FOXO4: variants seen among roughly 807,000 people sequenced by gnomAD.
FOXO4 encodes forkhead box O4, also known as forkhead box protein O4.
FOXO4 carries 3 observed loss-of-function variants against 20.8 expected under a neutral mutation model. That is an observed-to-expected ratio of 0.14 (90% CI 0.07 to 0.37). The LOEUF (loss-of-function observed/expected upper bound fraction) is 0.37. FOXO4 is among the 10% of genes least tolerant of loss of function. The pLI, the probability that FOXO4 is intolerant of heterozygous loss-of-function variation, is 1.00. For synonymous variants in FOXO4, 158 were observed against 180.0 expected, an observed-to-expected ratio of 0.88 and a Z score of 0.98; for missense variants, 309 against 431.9, an observed-to-expected ratio of 0.72 and a Z score of 2.52.
At chrX:71,099,892 A>AG (rs1310974894) in intron 1 of FOXO4, among the ~76,000 whole-genome samples, 1 of 111,397 alleles carries the variant, frequency 9.0e-6, no homozygotes, top group Non-Finnish European at 1.9e-5. Context: ...GGATTCAGGG[A>AG]GGGGGGAAAA....
chrX:71,096,922 G>A lies in FOXO4; in HGVS notation c.394G>A (p.Val132Ile). Residue 132 changes from valine to isoleucine, a missense_variant, in exon 1 of 3, where the codon GTC becomes ATC. By Grantham distance (29) the Val-to-Ile change is conservative (BLOSUM62 3). Coordinates refer to ENST00000374259, the MANE Select transcript of FOXO4 (RefSeq NM_005938.4). ...LTLAQIYEWMVRTVPYFKDKG... is the reference protein window; with the variant it reads ...LTLAQIYEWMIRTVPYFKDKG... ...ACTTGCCCAGATCTACGAGTGGATG[G>A]TCCGTACTGTACCCTACTTCAAGGA... The A allele has an allele frequency of 8.3e-7, 1 of 1,209,918 alleles. No individual in the cohort carries two copies. The highest frequency in any genetic ancestry group is 1.1e-6 in the Non-Finnish European group (1 of 894,560).
intron 1 of FOXO4, among the ~76,000 whole-genome samples, chrX:71,097,501 G>A: frequency 9.0e-6 from 1 of 110,771 alleles, no homozygotes; most frequent in Non-Finnish European, 1.9e-5. Flanking sequence ...AGTGGCAAAG[G>A]GTAAAAACAA....
chrX:71,097,713 A>C (rs2147731697), intron 1 of FOXO4, among the ~76,000 whole-genome samples: 1 of 111,762 alleles, frequency 8.9e-6, no homozygotes, highest in African/African-American at 3.2e-5. Context: ...TAGAGCACAA[A>C]GTTGGGAGTT....
At position 71,102,442 on chromosome X, in the gene FOXO4, T is replaced by A. The variant is rs985163355; in HGVS notation, c.*358T>A. 1.2e-4 allele frequency: 34 copies of A among 274,012 alleles called. No homozygotes were observed. The highest frequency in any genetic ancestry group is 3.9e-5 in the Non-Finnish European group (6 of 155,551). 22.6% of individuals were successfully genotyped at this position (274,012 alleles called of 1,213,427 possible). On this transcript the variant is annotated 3_prime_UTR_variant, in exon 3 of 3. Coordinates refer to ENST00000374259, the MANE Select transcript of FOXO4 (RefSeq NM_005938.4). ...GTCACCAGTGGCCTTACCCCTGCCT[T>A]TGGGAGCAGGATTTTTTTGTAGAGA...
At chrX:71,099,170 A>G (rs751660769) in intron 1 of FOXO4, 2 of 111,261 alleles carry the variant, frequency 1.8e-5, no homozygotes, top group Non-Finnish European at 3.8e-5. Flanking sequence ...GGAGGTAGGG[A>G]AAAGAAGGCA....
chrX:71,100,038 G>C (rs1369608450), intron 1 of FOXO4, among the ~76,000 whole-genome samples: 1 of 111,875 alleles, frequency 8.9e-6, no homozygotes, highest in Non-Finnish European at 1.9e-5. Context: ...ATCCTGGGCT[G>C]GTGCTGTACC....
intron 1 of FOXO4, among the ~76,000 whole-genome samples, chrX:71,099,085 G>C: frequency 9.0e-6 from 1 of 111,253 alleles, no homozygotes; most frequent in Non-Finnish European, 1.9e-5. Flanking sequence ...AGACCTCCAA[G>C]TGGGAGGTCA....
At position 71,101,000 on chromosome X, in the gene FOXO4, G is replaced by T; in HGVS notation, c.770G>T (p.Arg257Leu). 1 of 1,211,137 alleles carries T rather than the reference G, an allele frequency of 8.3e-7. No homozygotes were observed. Among genetic ancestry groups the T allele is most frequent in the Non-Finnish European group, 1.1e-6 (1 of 895,121 alleles). The change falls in exon 2 of 3, where the codon CGT becomes CTT. Residue 257 changes from arginine to leucine, a missense_variant. By Grantham distance (102) the Arg-to-Leu change is moderately radical. This residue lies in a region of FOXO4 where 223 missense variants were observed against 302.7 expected (regional missense o/e 0.74). Coordinates refer to ENST00000374259, the MANE Select transcript of FOXO4 (RefSeq NM_005938.4). The stretch of plus-strand genomic sequence containing the variant: ...GAAGCCGATATGTGGACCACCTTCC[G>T]TCCACGAAGCAGTTCAAATGCCAGC... ...REEADMWTTF[R>L]PRSSSNASSV... is the part of the protein sequence containing the mutation.
chrX:71,101,776 C>G (rs1228485600), intron 2 of FOXO4, 36 bp downstream of exon 2: 14 of 1,068,909 alleles, frequency 1.3e-5, no homozygotes, highest in Non-Finnish European at 1.8e-5. Flanking sequence ...CACCTCATAG[C>G]CTATTACCAC....
Position 71,096,272 on chromosome X carries a change from T to G in FOXO4, c.-257T>G, listed in dbSNP as rs1377606195. 1 of 413,403 alleles carries G rather than the reference T, an allele frequency of 2.4e-6. No individual in the cohort carries two copies. Among genetic ancestry groups the G allele is most frequent in the Non-Finnish European group, 4.2e-6 (1 of 238,294 alleles). 34.1% of individuals were successfully genotyped at this position (413,403 alleles called of 1,213,427 possible). On this transcript the variant is annotated 5_prime_UTR_variant, in exon 1 of 3. Transcript: ENST00000374259. ...GTGAGAGGTTGCAGAAAAAGTGTCTTCGCTCGGCAGAGGTTACAGGTGGCA... is the reference window on the plus strand; with the variant it reads ...GTGAGAGGTTGCAGAAAAAGTGTCTGCGCTCGGCAGAGGTTACAGGTGGCA...
In FOXO4 at chrX:71,102,641, G is replaced by A. The variant is rs1389319620; in HGVS notation, c.*557G>A. The stretch of plus-strand genomic sequence containing the variant: ...CTTAGAAGGCTGCAGATAACAGAAA[G>A]GCTTTTTATAAACTTTTAAAGAAAT... On this transcript the variant is annotated 3_prime_UTR_variant, in exon 3 of 3. Coordinates refer to ENST00000374259, the MANE Select transcript of FOXO4 (RefSeq NM_005938.4). 1.7e-5 allele frequency: 3 copies of A among 171,804 alleles called. No homozygotes were observed. The highest frequency in any genetic ancestry group is 3.3e-5 in the Non-Finnish European group (3 of 89,853). 14.2% of individuals were successfully genotyped at this position (171,804 alleles called of 1,213,427 possible). A position where few individuals can be genotyped will look rare whatever the true frequency, so the allele number is the denominator to read the frequency against.
At chrX:71,097,043 C>G in intron 1 of FOXO4, 62 bp downstream of exon 1, 1 of 989,003 alleles carries the variant, frequency 1.0e-6, no homozygotes, top group South Asian at 2.2e-5. Context: ...CCTAGCCTCC[C>G]TTACTTCTAC....
At position 71,100,806 on chromosome X, in the gene FOXO4, C is replaced by T; in HGVS notation, c.576C>T (p.Arg192=). The T allele has an allele frequency of 8.3e-7, 1 of 1,210,047 alleles. No homozygotes were observed. Among genetic ancestry groups the T allele is most frequent in the Non-Finnish European group, 1.1e-6 (1 of 894,590 alleles). Residue 192 remains arginine, a synonymous_variant, in exon 2 of 3, where the codon CGC becomes CGT. Transcript: ENST00000374259. ...GAGGCAAGAGCGGCAAAGCCCCCCG[C>T]CGCCGGGCCGCCTCCATGGATAGCA... ...PEGGKSGKAP[R]RRAASMDSSS...
Position 71,096,711 on chromosome X carries a change from G to C in FOXO4, c.183G>C (p.Glu61Asp). Residue 61 changes from glutamate to aspartate, a missense_variant, in exon 1 of 3, where the codon GAG becomes GAC. Transcript: ENST00000374259. ...ATCTGGGGGAAAAGGTACACACGGA[G>C]GGGCGCTCAGAGCCGATCCTGTTGC... ...EPDLGEKVHT[E>D]GRSEPILLPS... is the part of the protein sequence containing the mutation. 1 of 1,207,932 alleles carries C rather than the reference G, an allele frequency of 8.3e-7. No homozygotes were observed. The highest frequency in any genetic ancestry group is 1.1e-6 in the Non-Finnish European group (1 of 893,564).
At chrX:71,099,699 T>C (rs1292502001) in intron 1 of FOXO4, among the ~76,000 whole-genome samples, 1 of 111,753 alleles carries the variant, frequency 8.9e-6, no homozygotes, top group African/African-American at 3.3e-5. Flanking sequence ...AGCCGCTTTA[T>C]AAAAGAGGTG....
At position 71,102,178 on chromosome X, in the gene FOXO4, A is replaced by G. The variant is rs1001526371; in HGVS notation, c.*94A>G. 11 of 948,394 alleles carry G rather than the reference A, an allele frequency of 1.2e-5. No homozygotes were observed. Among genetic ancestry groups the G allele is most frequent in the Non-Finnish European group, 1.6e-5 (11 of 668,257 alleles). The allele number at this position is 948,394 out of a possible 1,213,427, so 78.2% of individuals were successfully genotyped here. Reference sequence around the variant, plus strand: ...CTTGAGCCCTCCCCAGGAATTTGGGACCCTGCTTTAGAGCTAGGGTGGGGT... The same window carrying G: ...CTTGAGCCCTCCCCAGGAATTTGGGGCCCTGCTTTAGAGCTAGGGTGGGGT... On this transcript the variant is annotated 3_prime_UTR_variant, in exon 3 of 3. Coordinates refer to ENST00000374259, the MANE Select transcript of FOXO4 (RefSeq NM_005938.4).
chrX:71,097,050 C>G (rs1602281512), intron 1 of FOXO4, 69 bp downstream of exon 1: 1 of 957,154 alleles, frequency 1.0e-6, no homozygotes, highest in East Asian at 3.4e-5. Flanking sequence ...TCCCTTACTT[C>G]TACTCTGGGG....
chrX:71,102,349 A>G lies in FOXO4; in HGVS notation c.*265A>G. 2.4e-6 allele frequency: 1 copy of G among 415,221 alleles called. No homozygotes were observed. Among genetic ancestry groups the G allele is most frequent in the Non-Finnish European group, 4.2e-6 (1 of 238,061 alleles). The allele number at this position is 415,221 out of a possible 1,213,427, so 34.2% of individuals were successfully genotyped here. ...GTAAGGCCCCCTCTCAGGAGCCATCATCGGCTTTCCCCATTCCTACCCACT... is the reference window on the plus strand; with the variant it reads ...GTAAGGCCCCCTCTCAGGAGCCATCGTCGGCTTTCCCCATTCCTACCCACT... On this transcript the variant is annotated 3_prime_UTR_variant, in exon 3 of 3. Transcript: ENST00000374259.
rs1164002156 is a variant in FOXO4 at position 71,095,893 on chromosome X, G to A, written c.-636G>A. 2.1e-5 allele frequency among the ~76,000 whole-genome samples: 2 copies of A among 93,475 alleles called. No homozygotes were observed. Among genetic ancestry groups the A allele is most frequent in the Admixed American group, 2.3e-4 (2 of 8,836 alleles). The allele number at this position is 93,475 out of a possible 115,157, so 81.2% of individuals were successfully genotyped here. A position where few individuals can be genotyped will look rare whatever the true frequency, so the allele number is the denominator to read the frequency against. ...CGAGTGGTAAACAGAGACGTCAGGAGGGGGCTGCTGCTTGGAGCAAAACAA... is the reference window on the plus strand; with the variant it reads ...CGAGTGGTAAACAGAGACGTCAGGAAGGGGCTGCTGCTTGGAGCAAAACAA... On this transcript the variant is annotated 5_prime_UTR_variant, in exon 1 of 3. Transcript: ENST00000374259.
Sources: allele counts gnomAD v4.1 joint callset (sites outside exome capture counted in the v4.1 genomes callset), GRCh38; gene constraint gnomAD v4.1.1; regional missense constraint gnomAD v4.1.1; transcripts MANE v1.5; gene names NCBI Gene and HGNC (gene_info 2026-07-23, HGNC 2026-07-21).